The following RFX4 variants were observed in gnomAD, a reference collection of about 807,000 sequenced individuals.
RFX4 encodes transcription factor RFX4.
In RFX4, 10 loss-of-function variants were observed where a neutral mutation model predicts 95.0. That is an observed-to-expected ratio of 0.11 (90% confidence interval 0.06 to 0.18). The LOEUF (loss-of-function observed/expected upper bound fraction) is 0.18. Ranked by LOEUF, RFX4 falls within the 10% of genes least tolerant of loss-of-function variation. The probability of loss-of-function intolerance (pLI) is 1.00; values close to 1 mark genes in which losing one functional copy is unlikely to be tolerated. For synonymous variants in RFX4, 321 were observed against 340.7 expected (o/e 0.94, Z 0.64); for missense variants, 640 against 922.0 (o/e 0.69, Z 3.96).
chr12:106,735,956 T>C (rs763115999), intron 15 of RFX4, among the ~76,000 whole-genome samples: 5 of 152,158 alleles, frequency 3.3e-5, no homozygotes, highest in African/African-American at 4.8e-5. Context: ...ATTCCAGGCT[T>C]TATGGAGTGG....
intron 8 of RFX4, among the ~76,000 whole-genome samples, chr12:106,709,033 C>A (rs1456239252): frequency 4.6e-5 from 7 of 152,180 alleles, no homozygotes; most frequent in African/African-American, 1.4e-4. Flanking sequence ...ACCCCTCACA[C>A]AAGCTCTTCA....
chr12:106,724,536 A>C (rs564890196), intron 13 of RFX4, among the ~76,000 whole-genome samples: 1 of 152,366 alleles, frequency 6.6e-6, no homozygotes, highest in Admixed American at 6.5e-5. Context: ...AGAAAAGAAT[A>C]ATTATTAGAC....
rs2040127213 is a variant in RFX4 at position 106,618,990 on chromosome 12, C to T, written c.130+10107C>T. On this transcript the variant is annotated intron_variant, in intron 2 of 17. Transcript: ENST00000392842. Reference sequence around the variant, plus strand: ...TTAATACATCTACCTCACATTACTTCTTCCCCCACTTCAAGCTCAGTGAAA... The same window carrying T: ...TTAATACATCTACCTCACATTACTTTTTCCCCCACTTCAAGCTCAGTGAAA... Among the ~76,000 whole-genome samples, 5 of 152,148 alleles carry T rather than the reference C, an allele frequency of 3.3e-5. No homozygotes were observed. In the South Asian group the frequency reaches 1.0e-3, roughly 31 times the overall value.
chr12:106,704,006 C>T lies in RFX4; in HGVS notation c.834-5324C>T, dbSNP rs182935252. Among the ~76,000 whole-genome samples the T allele has an allele frequency of 2.5e-3, 332 of 132,400 alleles. 1 individual carries two copies. The highest frequency in any genetic ancestry group is 3.5e-3 in the Non-Finnish European group (234 of 66,084). The allele number at this position is 132,400 out of a possible 152,430, so 86.9% of individuals were successfully genotyped here. A position where few individuals can be genotyped will look rare whatever the true frequency, so the allele number is the denominator to read the frequency against. On this transcript the variant is annotated intron_variant, in intron 8 of 17. Transcript: ENST00000392842. ...ACTTGAATCCAGGAGGCGGAGGTTG[C>T]AGTGAGCTGAGATTCCACCACTGCA...
intron 11 of RFX4, among the ~76,000 whole-genome samples, chr12:106,719,259 A>G (rs974701453): frequency 6.6e-6 from 1 of 152,240 alleles, no homozygotes; most frequent in Admixed American, 6.5e-5. Context: ...CACTTACTCA[A>G]CAAGTATCTA....
intron 8 of RFX4, among the ~76,000 whole-genome samples, chr12:106,708,820 G>A (rs898829347): frequency 2.6e-5 from 4 of 152,156 alleles, no homozygotes; most frequent in African/African-American, 9.7e-5. Context: ...TTTGACTCTT[G>A]GAATCTAATA....
At chr12:106,753,301 C>T (rs1002877347) in intron 17 of RFX4, among the ~76,000 whole-genome samples, 1 of 152,154 alleles carries the variant, frequency 6.6e-6, no homozygotes, top group African/African-American at 2.4e-5. Flanking sequence ...GGTGTCTCTT[C>T]CCCAGTCTCT....
intron 7 of RFX4, among the ~76,000 whole-genome samples, chr12:106,694,872 T>C (rs1250924731): frequency 6.6e-6 from 1 of 151,912 alleles, no homozygotes; most frequent in Non-Finnish European, 1.5e-5. Flanking sequence ...CCGTCTCTAC[T>C]TAAAAAATAC....
chr12:106,656,506 C>T (rs1373973485), intron 4 of RFX4, among the ~76,000 whole-genome samples: 2 of 152,148 alleles, frequency 1.3e-5, no homozygotes, highest in Non-Finnish European at 2.9e-5. Context: ...GAGAGGTTTA[C>T]ATCCCAAACA....
intron 8 of RFX4, among the ~76,000 whole-genome samples, chr12:106,701,348 C>G (rs2041986101): frequency 6.6e-6 from 1 of 152,144 alleles, no homozygotes; most frequent in Non-Finnish European, 1.5e-5. Context: ...CATGATGTGT[C>G]TCAATGCTTT....
chr12:106,724,873 G>A (rs762436596), intron 13 of RFX4, among the ~76,000 whole-genome samples: 15 of 152,052 alleles, frequency 9.9e-5, no homozygotes, highest in Non-Finnish European at 4.4e-5. Flanking sequence ...TTAGCCGGGT[G>A]TGGTGGCGGG....
rs1370642957 is a variant in RFX4 at position 106,698,440 on chromosome 12, G to A, written c.833+1994G>A. Among the ~76,000 whole-genome samples, 10 of 151,914 alleles carry A rather than the reference G, an allele frequency of 6.6e-5. No individual in the cohort carries two copies. In the East Asian group the frequency reaches 1.9e-3, roughly 29 times the overall value. ...ACTATAGGCATGCCCCACAGGACCT[G>A]GCTAATTTAAAAAAAAAATTTGTAG... On this transcript the variant is annotated intron_variant, in intron 8 of 17. Coordinates refer to ENST00000392842, the MANE Select transcript of RFX4 (RefSeq NM_213594.3).
chr12:106,637,525 A>G (rs17038588), intron 2 of RFX4, among the ~76,000 whole-genome samples: 1,754 of 152,036 alleles, frequency 0.012, 33 homozygotes, highest in African/African-American at 0.04. Context: ...GATCTTTTTA[A>G]TGTCTATATT....
chr12:106,723,892 G>A (rs2137537696), intron 13 of RFX4, among the ~76,000 whole-genome samples: 1 of 152,276 alleles, frequency 6.6e-6, no homozygotes, highest in South Asian at 2.1e-4. Context: ...TCAGGGAAGT[G>A]GCAGATTGAA....
intron 2 of RFX4, among the ~76,000 whole-genome samples, chr12:106,630,347 C>A (rs2040394701): frequency 6.6e-6 from 1 of 152,194 alleles, no homozygotes; most frequent in African/African-American, 2.4e-5. Context: ...CTCTTTCTCG[C>A]TCCAAGATTA....
intron 2 of RFX4, among the ~76,000 whole-genome samples, chr12:106,636,140 C>G (rs530636594): frequency 2.7e-4 from 41 of 152,196 alleles, no homozygotes; most frequent in African/African-American, 9.6e-4. Context: ...TGGATGTATA[C>G]AGAAATAATG....
intron 13 of RFX4, among the ~76,000 whole-genome samples, chr12:106,722,954 G>T (rs1357450240): frequency 6.6e-6 from 1 of 152,224 alleles, no homozygotes; most frequent in Non-Finnish European, 1.5e-5. Flanking sequence ...CCCAGCCACA[G>T]GGGCCAGCTC....
chr12:106,629,413 A>G (rs2040370994), intron 2 of RFX4, among the ~76,000 whole-genome samples: 1 of 152,164 alleles, frequency 6.6e-6, no homozygotes, highest in Non-Finnish European at 1.5e-5. Flanking sequence ...GTGGGATTTC[A>G]GTAGATTCTG....
rs143111913 is a variant in RFX4, at chr12:106,709,345, T to C, written c.849T>C (p.Ile283=). 6 of 1,613,516 alleles carry C rather than the reference T, an allele frequency of 3.7e-6. No individual in the cohort carries two copies. The African/African-American group carries it at 5.3e-5, about 14-fold the overall frequency. The change falls in exon 9 of 18, where the codon ATT becomes ATC. Residue 283 remains isoleucine, a synonymous_variant. Coordinates refer to ENST00000392842, the MANE Select transcript of RFX4 (RefSeq NM_213594.3). ...CTTTTTCTAGCTTAACTCAGGTGATTCGAAAGTTTGCCAAGCAACTGGATG... is the reference window on the plus strand; with the variant it reads ...CTTTTTCTAGCTTAACTCAGGTGATCCGAAAGTTTGCCAAGCAACTGGATG... ...QALPDSLTQV[I]RKFAKQLDEW... is the part of the protein sequence containing the mutation.
Sources: gnomAD v4.1 joint callset for allele counts (sites outside exome capture counted in the v4.1 genomes callset) on GRCh38, gnomAD v4.1.1 for gene constraint, MANE v1.5 for transcripts, NCBI Gene and HGNC (gene_info 2026-07-23, HGNC 2026-07-21) for gene names.